NCAM2: variants seen among roughly 807,000 people sequenced by gnomAD.
NCAM2 encodes the protein N-CAM-2.
NCAM2 carries 30 observed loss-of-function variants against 98.1 expected under a neutral mutation model. The ratio of observed to expected loss-of-function variants is 0.31; its 90% CI spans 0.23 to 0.41. The LOEUF is 0.41. Among genes scored for constraint, NCAM2 ranks in the 10% least tolerant of loss-of-function variants. The pLI, the probability that NCAM2 is intolerant of heterozygous loss-of-function variation, is 1.00. For missense variants in NCAM2, 867 were observed against 1,005.8 expected (o/e 0.86, Z 1.87); for synonymous variants, 368 against 342.4 (o/e 1.07, Z -0.83).
intron 1 of NCAM2, among the ~76,000 whole-genome samples, chr21:21,091,089 C>G (rs992836296): frequency 6.6e-6 from 1 of 152,064 alleles, no homozygotes; most frequent in Non-Finnish European, 1.5e-5. Flanking sequence ...TGTTGTTTCC[C>G]CAATCTGAGT....
intron 1 of NCAM2, among the ~76,000 whole-genome samples, chr21:21,095,813 G>C (rs570846153): frequency 3.6e-4 from 54 of 151,640 alleles, no homozygotes; most frequent in African/African-American, 1.3e-3. Flanking sequence ...CTTTCATGAA[G>C]TGTCTTTCAG....
At chr21:21,522,284 TATGA>T (rs1406944015) in intron 16 of NCAM2, among the ~76,000 whole-genome samples, 5 of 148,864 alleles carry the variant, frequency 3.4e-5, no homozygotes, top group East Asian at 3.9e-4. Context: ...TATGATTATA[TATGA>T]ATGAATGATA....
intron 1 of NCAM2, among the ~76,000 whole-genome samples, chr21:21,264,666 T>C (rs567210330): frequency 6.7e-5 from 10 of 149,584 alleles, no homozygotes; most frequent in East Asian, 2.0e-4. Context: ...TATATATATA[T>C]ACACACACAC....
intron 1 of NCAM2, among the ~76,000 whole-genome samples, chr21:21,236,079 C>A (rs2070808862): frequency 6.6e-6 from 1 of 151,284 alleles, no homozygotes; most frequent in African/African-American, 2.4e-5. Flanking sequence ...GAATAATGTT[C>A]CTCTCTCTTG....
chr21:21,245,042 GAT>G (rs994745740), intron 1 of NCAM2, among the ~76,000 whole-genome samples: 1 of 152,082 alleles, frequency 6.6e-6, no homozygotes, highest in African/African-American at 2.4e-5. Context: ...TCCAAGGACT[GAT>G]GTGAGGACTG....
intron 1 of NCAM2, among the ~76,000 whole-genome samples, chr21:21,212,404 G>A (rs1387634100): frequency 6.6e-6 from 1 of 152,198 alleles, no homozygotes; most frequent in Non-Finnish European, 1.5e-5. Context: ...AGAGGGGCAA[G>A]TGAGAAGGAA....
At chr21:21,509,369 G>T (rs1173618357) in intron 16 of NCAM2, among the ~76,000 whole-genome samples, 1 of 152,076 alleles carries the variant, frequency 6.6e-6, no homozygotes, top group Non-Finnish European at 1.5e-5. Context: ...ATTCCATTTT[G>T]ATTTATTCCA....
chr21:21,297,671 C>G (rs1020587091), intron 5 of NCAM2, among the ~76,000 whole-genome samples: 6 of 151,546 alleles, frequency 4.0e-5, no homozygotes, highest in African/African-American at 1.4e-4. Context: ...TTACTTTAAC[C>G]CACATATATT....
intron 8 of NCAM2, among the ~76,000 whole-genome samples, chr21:21,352,280 G>GTT (rs1325254142): frequency 7.6e-6 from 1 of 131,146 alleles, no homozygotes; most frequent in African/African-American, 2.7e-5. Context: ...TGTTGTTGTT[G>GTT]GTGGTGGTGG....
chr21:21,161,478 A>T (rs533288665), intron 1 of NCAM2, among the ~76,000 whole-genome samples: 1 of 151,968 alleles, frequency 6.6e-6, no homozygotes, highest in South Asian at 2.1e-4. Flanking sequence ...ATTATTTCAG[A>T]TGATAGCCCA....
At chr21:21,462,961 A>T (rs573276387) in intron 12 of NCAM2, among the ~76,000 whole-genome samples, 112 of 152,050 alleles carry the variant, frequency 7.4e-4, no homozygotes, top group Non-Finnish European at 1.5e-3. Context: ...CTAATTCTGG[A>T]GTTTGAATTT....
intron 14 of NCAM2, among the ~76,000 whole-genome samples, chr21:21,469,823 G>A (rs574388382): frequency 6.6e-6 from 1 of 152,008 alleles, no homozygotes; most frequent in South Asian, 2.1e-4. Flanking sequence ...CCTTTCAGAG[G>A]ACAAGTTTTT....
chr21:21,291,175 A>G (rs1454334105), intron 4 of NCAM2, among the ~76,000 whole-genome samples: 1 of 151,920 alleles, frequency 6.6e-6, no homozygotes, highest in African/African-American at 2.4e-5. Flanking sequence ...TGTCTTATAT[A>G]CAGTATCCAG....
intron 15 of NCAM2, among the ~76,000 whole-genome samples, chr21:21,480,366 C>CAAAAAAAAAAAAAAAAAAAAAAA (rs59203448): frequency 7.1e-5 from 5 of 69,946 alleles, no homozygotes; most frequent in African/African-American, 3.0e-4. Context: ...GACTCCATCT[C>CAAAAAAAAAAAAAAAAAAAAAAA]AAAAAAAAAA....
rs71195305 is a variant in NCAM2, at chr21:21,144,350, G to GA, written c.56-136215dup. 1.4e-3 allele frequency among the ~76,000 whole-genome samples: 197 copies of GA among 145,228 alleles called. 1 individual carries two copies. The East Asian group carries it at 0.018, about 13-fold the overall frequency. ...ACAGAGCAAGACTCCATCTCAAAAA[G>GA]AAAAAAAAAAAAATCAACATTTCAA... is the stretch of plus-strand genomic sequence containing the variant. On this transcript the variant is annotated intron_variant, in intron 1 of 17. Transcript: ENST00000400546.
intron 15 of NCAM2, among the ~76,000 whole-genome samples, chr21:21,482,856 G>T (rs931025754): frequency 4.0e-5 from 6 of 151,362 alleles, no homozygotes; most frequent in Admixed American, 3.3e-4. Context: ...ATAATCAATC[G>T]TGTTCCTTTT....
intron 1 of NCAM2, among the ~76,000 whole-genome samples, chr21:21,012,388 C>G (rs547968587): frequency 6.6e-6 from 1 of 152,140 alleles, no homozygotes; most frequent in South Asian, 2.1e-4. Flanking sequence ...AGCCGTCAGT[C>G]TGTGGATGAC....
Position 21,121,907 on chromosome 21 carries a change from G to C in NCAM2, c.55+123289G>C, listed in dbSNP as rs1212646327. On this transcript the variant is annotated intron_variant, in intron 1 of 17. Transcript: ENST00000400546. ...CATTTCTTCAAAAGTGATGAGACAG[G>C]GTAAAGTGAAAAGGACAATTCATTG... is the stretch of plus-strand genomic sequence containing the variant. Among the ~76,000 whole-genome samples the C allele has an allele frequency of 1.3e-5, 2 of 152,154 alleles. 1 individual carries two copies. The highest frequency in any genetic ancestry group is 4.8e-5 in the African/African-American group (2 of 41,424).
intron 8 of NCAM2, among the ~76,000 whole-genome samples, chr21:21,343,770 T>A (rs768360025): frequency 6.6e-6 from 1 of 152,162 alleles, no homozygotes. Flanking sequence ...AAGTGCTCTG[T>A]GTCTCCCAGT....
Sources: gnomAD v4.1 joint callset for allele counts (sites outside exome capture counted in the v4.1 genomes callset) on GRCh38, gnomAD v4.1.1 for gene constraint, MANE v1.5 for transcripts, NCBI Gene and HGNC (gene_info 2026-07-23, HGNC 2026-07-21) for gene names.